Variants in ADAMTS5 observed in about 807,000 individuals in gnomAD.
ADAMTS5 encodes the protein A disintegrin and metalloproteinase with thrombospondin motifs 5.
Under a neutral mutation model 81.4 loss-of-function variants are expected in ADAMTS5, and 54 were observed. The observed-to-expected ratio is 0.66, with a 90% CI of 0.53 to 0.83. The LOEUF (loss-of-function observed/expected upper bound fraction) is 0.83, where lower values mean the gene tolerates loss of function less well. Ranked by LOEUF, ADAMTS5 falls within the 40% of genes least tolerant of loss-of-function variation. The pLI is 0.00. For missense variants in ADAMTS5, 1,194 were observed against 1,229.9 expected, an observed-to-expected ratio of 0.97 and a Z score of 0.44; for synonymous variants, 532 against 508.8, an observed-to-expected ratio of 1.05 and a Z score of -0.61.
chr21:26,935,702 A>G (rs1987001327), intron 3 of ADAMTS5, among the ~76,000 whole-genome samples: 1 of 152,044 alleles, frequency 6.6e-6, no homozygotes, highest in Non-Finnish European at 1.5e-5. Flanking sequence ...AGAATCCAAA[A>G]CCTTAAATTT....
intron 1 of ADAMTS5, among the ~76,000 whole-genome samples, chr21:26,957,063 C>T (rs954046579): frequency 1.4e-4 from 21 of 152,186 alleles, no homozygotes; most frequent in Non-Finnish European, 2.8e-4. Flanking sequence ...CCATTTCACT[C>T]ACACAATTTC....
chr21:26,956,625 G>A (rs1987431919), intron 1 of ADAMTS5, among the ~76,000 whole-genome samples: 1 of 152,018 alleles, frequency 6.6e-6, no homozygotes, highest in Non-Finnish European at 1.5e-5. Flanking sequence ...TGCCTTAAGG[G>A]AGCTGCTAGA....
intron 6 of ADAMTS5, among the ~76,000 whole-genome samples, chr21:26,931,682 T>C (rs1311393762): frequency 5.9e-5 from 9 of 152,220 alleles, no homozygotes. Flanking sequence ...CAATGCTGCT[T>C]AGGAAATACT....
At chr21:26,961,616 G>A (rs539184111) in intron 1 of ADAMTS5, among the ~76,000 whole-genome samples, 11 of 152,316 alleles carry the variant, frequency 7.2e-5, no homozygotes, top group African/African-American at 2.6e-4. Flanking sequence ...GGCAGATACT[G>A]CACAGATTTT....
intron 2 of ADAMTS5, among the ~76,000 whole-genome samples, chr21:26,953,722 C>T (rs963835833): frequency 2.6e-5 from 4 of 152,196 alleles, no homozygotes; most frequent in African/African-American, 9.6e-5. Flanking sequence ...AAATGTGATG[C>T]TGAGTTGATA....
intron 7 of ADAMTS5, among the ~76,000 whole-genome samples, chr21:26,927,362 A>G (rs1190949401): frequency 6.6e-6 from 1 of 152,170 alleles, no homozygotes; most frequent in African/African-American, 2.4e-5. Flanking sequence ...TAGTGGTGGG[A>G]GTGGAGGAGA....
At chr21:26,934,896 T>G (rs1274009511) in intron 3 of ADAMTS5, 147 bp from the exon 4 acceptor site, 6 of 1,139,260 alleles carry the variant, frequency 5.3e-6, no homozygotes, top group Non-Finnish European at 7.3e-6. Context: ...AGGGACTCCA[T>G]GGGGACAAGG....
chr21:26,939,167 C>T (rs530331156), intron 3 of ADAMTS5, among the ~76,000 whole-genome samples: 1 of 152,156 alleles, frequency 6.6e-6, no homozygotes, highest in East Asian at 1.9e-4. Context: ...TAAGAATGAA[C>T]AAGAGCACTT....
At chr21:26,959,828 T>C (rs1987495511) in intron 1 of ADAMTS5, among the ~76,000 whole-genome samples, 1 of 152,190 alleles carries the variant, frequency 6.6e-6, no homozygotes, top group Non-Finnish European at 1.5e-5. Context: ...TCTACTATTA[T>C]TTCCTGCCTG....
At chr21:26,943,225 C>T (rs34314289) in intron 3 of ADAMTS5, among the ~76,000 whole-genome samples, 155 bp downstream of exon 3, 3 of 151,952 alleles carry the variant, frequency 2.0e-5, no homozygotes, top group African/African-American at 7.2e-5. Flanking sequence ...AGTACATACC[C>T]ACATATGATC....
chr21:26,932,069 C>T lies in ADAMTS5; in HGVS notation c.1984G>A (p.Ala662Thr). Residue 662 changes from alanine to threonine, a missense_variant, in exon 6 of 8, where the codon GCG becomes ACG. Transcript: ENST00000284987. ...CTGCAGGTCAGCTTGCACACATCCG[C>T]TGGCAGGACACCTGCATATTTGGGA... ...WVPKYAGVLP[A>T]DVCKLTCRAK... 2 of 1,614,222 alleles carry T rather than the reference C, an allele frequency of 1.2e-6. No individual in the cohort carries two copies. The highest frequency in any genetic ancestry group is 1.7e-6 in the Non-Finnish European group (2 of 1,180,036).
intron 4 of ADAMTS5, among the ~76,000 whole-genome samples, chr21:26,934,244 T>C (rs896312469): frequency 2.0e-5 from 3 of 152,226 alleles, no homozygotes; most frequent in South Asian, 2.1e-4. Context: ...TGTTAAAAGA[T>C]GTAAACTGCA....
chr21:26,943,591 T>G (rs373484646), intron 2 of ADAMTS5, 44 bp from the exon 3 acceptor site: 1 of 1,555,642 alleles, frequency 6.4e-7, no homozygotes, highest in Non-Finnish European at 8.8e-7. Flanking sequence ...CGTGATTGTG[T>G]ATTTCTATCT....
chr21:26,941,912 T>C (rs1484914041), intron 3 of ADAMTS5, among the ~76,000 whole-genome samples: 1 of 152,090 alleles, frequency 6.6e-6, no homozygotes, highest in African/African-American at 2.4e-5. Flanking sequence ...ATCCACAATG[T>C]AAACTGAGCT....
rs1221265738 is a variant in ADAMTS5 at position 26,918,736 on chromosome 21, AGTT to A, written c.*5314_*5316del. 3.9e-5 allele frequency: 6 copies of A among 152,082 alleles called. No individual in the cohort carries two copies. In the East Asian group the frequency reaches 1.2e-3, roughly 29 times the overall value. The allele number at this position is 152,082 out of a possible 1,614,324, so 9.4% of individuals were successfully genotyped here. ...GTAGACGTGTTTCTAATATATTGTG[AGTT>A]GTTAAAGAAAAGGCTGAGATATAGT... On this transcript the variant is annotated 3_prime_UTR_variant, in exon 8 of 8. Coordinates refer to ENST00000284987, the MANE Select transcript of ADAMTS5 (RefSeq NM_007038.5).
rs757685984 is a variant in ADAMTS5, at chr21:26,943,476, G to C, written c.1309C>G (p.Arg437Gly). The change falls in exon 3 of 8, where the codon CGC (arginine) becomes GGC (glycine). Residue 437 changes from arginine (R) to glycine (G), a missense_variant. This residue lies in a region of ADAMTS5 where 696 missense variants were observed against 817.6 expected (regional missense o/e 0.85). Coordinates refer to ENST00000284987, the MANE Select transcript of ADAMTS5 (RefSeq NM_007038.5). ...CTGGTAAGGATGGAAGACATTAAGC[G>C]CTTATCTTCTGTGGAACCAAAGGTC... Reference protein sequence around the residue: ...EETFGSTEDKRLMSSILTSID... With the variant: ...EETFGSTEDKGLMSSILTSID... 1 of 1,613,584 alleles carries C rather than the reference G, an allele frequency of 6.2e-7. No homozygotes were observed. The highest frequency in any genetic ancestry group is 1.3e-5 in the African/African-American group (1 of 74,888).
In ADAMTS5 at chr21:26,930,011, C is replaced by T. The variant is rs1238241746; in HGVS notation, c.2100G>A (p.Arg700=). 6.2e-7 allele frequency: 1 copy of T among 1,614,012 alleles called. No homozygotes were observed. The highest frequency in any genetic ancestry group is 1.3e-5 in the African/African-American group (1 of 75,016). The change falls in exon 7 of 8, where the codon CGG becomes CGA. Residue 700 remains arginine (R), a synonymous_variant. Coordinates refer to ENST00000284987, the MANE Select transcript of ADAMTS5 (RefSeq NM_007038.5). ...CRLYSNSVCV[R]GKCVRTGCDG... The stretch of plus-strand genomic sequence containing the variant: ...CACAGCCAGTTCTCACACACTTCCC[C>T]CGGACGCAGACGGAATTACTGTACA...
chr21:26,922,651 T>G lies in ADAMTS5; in HGVS notation c.*1402A>C, dbSNP rs1234680942. 6.6e-6 allele frequency: 1 copy of G among 152,186 alleles called. No individual in the cohort carries two copies. The highest frequency in any genetic ancestry group is 1.5e-5 in the Non-Finnish European group (1 of 67,970). 9.4% of individuals were successfully genotyped at this position (152,186 alleles called of 1,614,324 possible). A position where few individuals can be genotyped will look rare whatever the true frequency, so the allele number is the denominator to read the frequency against. ...GTGTGCTTATAAAATAATTTCCATGTCTAACTATTCAAACTTACAACCTAC... is the reference window on the plus strand; with the variant it reads ...GTGTGCTTATAAAATAATTTCCATGGCTAACTATTCAAACTTACAACCTAC... On this transcript the variant is annotated 3_prime_UTR_variant, in exon 8 of 8. Transcript: ENST00000284987.
At chr21:26,944,408 A>G (rs1987174934) in intron 2 of ADAMTS5, among the ~76,000 whole-genome samples, 1 of 152,184 alleles carries the variant, frequency 6.6e-6, no homozygotes, top group African/African-American at 2.4e-5. Flanking sequence ...CAGTCAAGCT[A>G]GATATTATTT....
Sources: allele counts gnomAD v4.1 joint callset (sites outside exome capture counted in the v4.1 genomes callset), GRCh38; gene constraint gnomAD v4.1.1; regional missense constraint gnomAD v4.1.1; transcripts MANE v1.5; gene names NCBI Gene and HGNC (gene_info 2026-07-23, HGNC 2026-07-21).